PHYHD1: variants seen among roughly 807,000 people sequenced by gnomAD.
PHYHD1 encodes phytanoyl-CoA dioxygenase domain containing 1.
PHYHD1 carries 42 observed loss-of-function variants against 43.6 expected under a neutral mutation model. The observed-to-expected ratio is 0.96, with a 90% CI of 0.75 to 1.25. PHYHD1 has a LOEUF of 1.25. Ranked by LOEUF, PHYHD1 falls within the 50% of genes most tolerant of loss-of-function variation. The pLI is 0.00. For synonymous variants in PHYHD1, 139 were observed against 143.6 expected (o/e 0.97, Z 0.23); for missense variants, 342 against 370.8 (o/e 0.92, Z 0.64).
intron 3 of PHYHD1, among the ~76,000 whole-genome samples, chr9:128,926,345 C>T (rs1197169460): frequency 1.3e-5 from 2 of 151,928 alleles, no homozygotes; most frequent in Non-Finnish European, 2.9e-5. Context: ...ATTCTCCTGC[C>T]TCCAAGCTAT....
chr9:128,927,347 G>A (rs1236286303), intron 4 of PHYHD1, 151 bp downstream of exon 4: 7 of 851,224 alleles, frequency 8.2e-6, no homozygotes, highest in Admixed American at 2.8e-5. Context: ...TCACTGGGAA[G>A]TTATCAAGTA....
intron 11 of PHYHD1, among the ~76,000 whole-genome samples, chr9:128,940,986 C>T (rs17485381): frequency 0.021 from 3,162 of 152,266 alleles, 116 homozygotes; most frequent in African/African-American, 0.072. Flanking sequence ...TTTCCCCAAA[C>T]GTAAAGTGGA....
chr9:128,941,312 G>A (rs928551782), intron 11 of PHYHD1, 133 bp from the exon 12 acceptor site: 3 of 1,235,408 alleles, frequency 2.4e-6, no homozygotes, highest in Non-Finnish European at 3.4e-6. Context: ...AGATGCCTGA[G>A]CTTTCAGGGA....
At chr9:128,925,092 G>A (rs1003457584) in intron 3 of PHYHD1, among the ~76,000 whole-genome samples, 3 of 152,192 alleles carry the variant, frequency 2.0e-5, no homozygotes, top group African/African-American at 7.2e-5. Flanking sequence ...CAGAGCTGAG[G>A]GGCCCATGGT....
chr9:128,941,606 C>G (rs1405776808), intron 12 of PHYHD1, 35 bp downstream of exon 12: 1 of 1,614,154 alleles, frequency 6.2e-7, no homozygotes. Context: ...GCCCGACAGT[C>G]CCCTGGAGGC....
chr9:128,927,188 C>T lies in PHYHD1; in HGVS notation c.184C>T (p.Arg62Ter), dbSNP rs753916285. 1.1e-5 allele frequency: 17 copies of T among 1,613,924 alleles called. No individual in the cohort carries two copies. Among genetic ancestry groups the T allele is most frequent in the South Asian group, 4.4e-5 (4 of 91,072 alleles). The change falls in exon 4 of 13, where the codon CGA (arginine) becomes TGA (stop). Residue 62 changes from arginine (R) to a stop codon, truncating the protein, a stop_gained. Coordinates refer to ENST00000372592, the MANE Select transcript of PHYHD1 (RefSeq NM_001100876.2). LOFTEE classifies it high-confidence loss of function. ...EFSTQEEEQL[R>*]AQGSTDYFLS... ...CTCCACCCAGGAAGAGGAGCAGCTT[C>T]GAGCCCAGGTAGGTGTCTGGGGCAC...
Position 128,940,490 on chromosome 9 carries a change from C to T in PHYHD1, c.579C>T (p.Ser193=). 1 of 1,614,156 alleles carries T rather than the reference C, an allele frequency of 6.2e-7. No individual in the cohort carries two copies. The highest frequency in any genetic ancestry group is 1.3e-5 in the African/African-American group (1 of 75,022). ...GCTGTCTCTGGTTCATCCCTGGCTC[C>T]CACACCAGTGAGGAACCCTGTCTCT... The part of the protein sequence containing the change: ...ENGCLWFIPG[S]HTSGVSRRMV... Residue 193 remains serine (S), a synonymous_variant, in exon 10 of 13, where the codon TCC becomes TCT. Transcript: ENST00000372592.
At chr9:128,933,908 T>C (rs1412646145) in intron 5 of PHYHD1, 51 bp downstream of exon 5, 2 of 1,606,918 alleles carry the variant, frequency 1.2e-6, no homozygotes, top group South Asian at 1.1e-5. Flanking sequence ...GAGGGTAGGC[T>C]GGACCTGGGA....
At chr9:128,930,685 T>G (rs1382471777) in intron 4 of PHYHD1, among the ~76,000 whole-genome samples, 2 of 150,510 alleles carry the variant, frequency 1.3e-5, no homozygotes, top group Non-Finnish European at 3.0e-5. Flanking sequence ...TGCAGTGGCT[T>G]ACGCCTGTAA....
chr9:128,925,162 T>A (rs1588244205), intron 3 of PHYHD1, among the ~76,000 whole-genome samples: 1 of 151,596 alleles, frequency 6.6e-6, no homozygotes, highest in Admixed American at 6.6e-5. Context: ...GCGGAAGGGG[T>A]GTCCTTAACC....
At chr9:128,936,773 G>A in intron 8 of PHYHD1, 128 bp downstream of exon 8, 1 of 1,120,584 alleles carries the variant, frequency 8.9e-7, no homozygotes, top group Non-Finnish European at 1.3e-6. Context: ...TGGAAAATCG[G>A]TCTCCTCTGG....
rs1419029362 is a variant in PHYHD1 at position 128,939,221 on chromosome 9, T to C, written c.458-1148T>C. On this transcript the variant is annotated intron_variant, in intron 9 of 12. Coordinates refer to ENST00000372592, the MANE Select transcript of PHYHD1 (RefSeq NM_001100876.2). ...CTGTTTGTTCTGTTGCTGAGGACCA[T>C]GTTCCTTTGTTCGGTGGTTCCGCAT... 5.3e-5 allele frequency among the ~76,000 whole-genome samples: 7 copies of C among 131,044 alleles called. 2 individuals are homozygous for C. The highest frequency in any genetic ancestry group is 7.1e-5 in the Non-Finnish European group (4 of 56,402). The allele number at this position is 131,044 out of a possible 152,430, so 86.0% of individuals were successfully genotyped here. A position where few individuals can be genotyped will look rare whatever the true frequency, so the allele number is the denominator to read the frequency against.
At position 128,930,866 on chromosome 9, in the gene PHYHD1, G is replaced by A. The variant is rs1168387638; in HGVS notation, c.193-2916G>A. Among the ~76,000 whole-genome samples the A allele has an allele frequency of 4.7e-5, 7 of 150,284 alleles. 1 individual carries two copies. The Middle Eastern group carries it at 0.01, about 224-fold the overall frequency. On this transcript the variant is annotated intron_variant, in intron 4 of 12. Transcript: ENST00000372592. ...CGGGAGGCTGAGGCAGAAGAATGGC[G>A]TGAACCCGGGAGGCGGAGCTTGCAG...
At position 128,922,026 on chromosome 9, in the gene PHYHD1, CA is replaced by C. The variant is rs1393177579; in HGVS notation, c.-62del. The C allele has an allele frequency of 2.8e-5, 13 of 463,604 alleles. No individual in the cohort carries two copies. The highest frequency in any genetic ancestry group is 5.0e-5 in the Non-Finnish European group (13 of 259,372). 28.7% of individuals were successfully genotyped at this position (463,604 alleles called of 1,614,324 possible). On this transcript the variant is annotated 5_prime_UTR_variant, in exon 2 of 13. It removes the in-frame stop codon of an upstream open reading frame in the 5' UTR. Coordinates refer to ENST00000372592, the MANE Select transcript of PHYHD1 (RefSeq NM_001100876.2). ...CCAGCTGCTTGGCCTGACCCTCTCA[CA>C]GCATAATTTCCCGGCACCTGGTAAG...
intron 11 of PHYHD1, 80 bp downstream of exon 11, chr9:128,940,795 G>A: frequency 6.8e-7 from 1 of 1,461,766 alleles, no homozygotes; most frequent in Admixed American, 1.8e-5. Context: ...CGTCCAAGAG[G>A]TTGCCCTCGG....
At chr9:128,936,351 AG>A in intron 6 of PHYHD1, 96 bp from the exon 7 acceptor site, 1 of 1,487,230 alleles carries the variant, frequency 6.7e-7, no homozygotes, top group East Asian at 2.5e-5. Context: ...AAAGTAAGTG[AG>A]AATGTCAAAG....
At position 128,933,866 on chromosome 9, in the gene PHYHD1, C is replaced by G; in HGVS notation, c.268+9C>G. 6.2e-7 allele frequency: 1 copy of G among 1,613,316 alleles called. No individual in the cohort carries two copies. The highest frequency in any genetic ancestry group is 1.1e-5 in the South Asian group (1 of 91,066). On this transcript the variant is annotated intron_variant, in intron 5 of 12. Transcript: ENST00000372592. Reference sequence around the variant, plus strand: ...CGTTTTTGATGAGAAAGGTTTGGAGCTGGGGCCCTAGAGCTGGGGAGGAGC... The same window carrying G: ...CGTTTTTGATGAGAAAGGTTTGGAGGTGGGGCCCTAGAGCTGGGGAGGAGC...
rs540399496 is a variant in PHYHD1, at chr9:128,924,119, A to C, written c.33+1763A>C. Reference sequence around the variant, plus strand: ...GGTCAACAGAACAAGACTGCGTCTCAAAAATAAAATAAACAGGCCGGGCGC... The same window carrying C: ...GGTCAACAGAACAAGACTGCGTCTCCAAAATAAAATAAACAGGCCGGGCGC... On this transcript the variant is annotated intron_variant, in intron 3 of 12. Coordinates refer to ENST00000372592, the MANE Select transcript of PHYHD1 (RefSeq NM_001100876.2). Among the ~76,000 whole-genome samples the C allele has an allele frequency of 6.6e-5, 10 of 151,990 alleles. No homozygotes were observed. In the East Asian group the frequency reaches 1.5e-3, roughly 24 times the overall value.
chr9:128,941,672 C>T lies in PHYHD1; in HGVS notation c.835C>T (p.Gln279Ter), dbSNP rs1841567005. The change falls in exon 13 of 13, where the codon CAG (glutamine) becomes TAG (stop). Residue 279 changes from glutamine to a stop codon, truncating the protein, a stop_gained. Coordinates refer to ENST00000372592, the MANE Select transcript of PHYHD1 (RefSeq NM_001100876.2). LOFTEE classifies it high-confidence loss of function. ...GTTWSPENWLQPTAELPFPQL... is the reference protein window; with the variant it reads ...GTTWSPENWL ...TTTCTCCTCTATCCTCTGCAGGCTC[C>T]AGCCAACAGCTGAACTGCCCTTTCC... 2 of 1,614,060 alleles carry T rather than the reference C, an allele frequency of 1.2e-6. No individual in the cohort carries two copies. The highest frequency in any genetic ancestry group is 1.7e-5 in the Admixed American group (1 of 59,996).
Sources: gnomAD v4.1 joint callset for allele counts (sites outside exome capture counted in the v4.1 genomes callset) on GRCh38, gnomAD v4.1.1 for gene constraint, MANE v1.5 for transcripts, NCBI Gene and HGNC (gene_info 2026-07-23, HGNC 2026-07-21) for gene names.